The following INSYN2A variants were observed in gnomAD, a reference collection of about 807,000 sequenced individuals.
The protein encoded by INSYN2A is family with sequence similarity 196 member A.
INSYN2A carries 17 observed loss-of-function variants against 39.4 expected under a neutral mutation model. That is an observed-to-expected ratio of 0.43 (90% CI 0.30 to 0.65). INSYN2A has a LOEUF of 0.65. Ranked by LOEUF, INSYN2A falls within the 30% of genes least tolerant of loss-of-function variation. The pLI, the probability that INSYN2A is intolerant of heterozygous loss-of-function variation, is 0.14. For missense variants in INSYN2A, 595 were observed against 631.2 expected, an observed-to-expected ratio of 0.94 and a Z score of 0.61; for synonymous variants, 255 against 265.7, an observed-to-expected ratio of 0.96 and a Z score of 0.39.
At chr10:127,195,862 T>A (rs1395220018) in intron 1 of INSYN2A, 135 bp downstream of exon 1, 1 of 152,202 alleles carries the variant, frequency 6.6e-6, no homozygotes, top group East Asian at 2.0e-4. Context: ...AGCCGCCGAG[T>A]TTCCGGCCAA....
intron 5 of INSYN2A, among the ~76,000 whole-genome samples, chr10:127,149,522 G>T (rs2052271205): frequency 6.6e-6 from 1 of 152,202 alleles, no homozygotes. Context: ...GCCCCAGGCA[G>T]CCGGGTCTTG....
chr10:127,194,838 T>G (rs11016714), intron 1 of INSYN2A, among the ~76,000 whole-genome samples: 294 of 152,312 alleles, frequency 1.9e-3, no homozygotes, highest in Non-Finnish European at 3.2e-3. Context: ...TTCCCACTCT[T>G]GCAGTTTCAC....
intron 5 of INSYN2A, 150 bp downstream of exon 5, chr10:127,153,702 G>A (rs189618037): frequency 1.3e-4 from 80 of 638,546 alleles, no homozygotes; most frequent in Admixed American, 5.6e-4. Context: ...GGGGTATTTA[G>A]AGGTAGCTTA....
rs796870030 is a variant in INSYN2A, at chr10:127,141,676, CAA to C, written c.1257-3658_1257-3657del. On this transcript the variant is annotated intron_variant, in intron 5 of 5. Coordinates refer to ENST00000522781, the MANE Select transcript of INSYN2A (RefSeq NM_001039762.3). ...ACAGAGTGAGACTTTGTCTTTAAAA[CAA>C]AAAAAAAAAAAAAGCAAATTCTACC... Among the ~76,000 whole-genome samples, 989 of 139,862 alleles carry C rather than the reference CAA, an allele frequency of 7.1e-3. 4 individuals carry two copies. Among genetic ancestry groups the C allele is most frequent in the Admixed American group, 0.012 (174 of 14,100 alleles). 91.8% of individuals were successfully genotyped at this position (139,862 alleles called of 152,430 possible).
At chr10:127,168,351 A>G (rs1349375059) in intron 4 of INSYN2A, among the ~76,000 whole-genome samples, 1 of 152,260 alleles carries the variant, frequency 6.6e-6, no homozygotes, top group African/African-American at 2.4e-5. Context: ...TTTCCATGCC[A>G]TTCAAATAGG....
At chr10:127,193,913 T>C (rs1274654935) in intron 1 of INSYN2A, among the ~76,000 whole-genome samples, 2 of 152,192 alleles carry the variant, frequency 1.3e-5, no homozygotes, top group African/African-American at 4.8e-5. Context: ...GACATGGAGC[T>C]TCCCAGCTTT....
At chr10:127,188,306 T>G (rs1180066357) in intron 2 of INSYN2A, among the ~76,000 whole-genome samples, 1 of 152,220 alleles carries the variant, frequency 6.6e-6, no homozygotes, top group East Asian at 1.9e-4. Context: ...ACAACATCCA[T>G]TAATTATGGG....
chr10:127,143,116 T>C (rs1165789734), intron 5 of INSYN2A, among the ~76,000 whole-genome samples: 1 of 152,194 alleles, frequency 6.6e-6, no homozygotes, highest in Non-Finnish European at 1.5e-5. Context: ...ACTCAGGCCC[T>C]GCCACAGTTT....
chr10:127,178,622 T>G (rs1488801203), intron 2 of INSYN2A, among the ~76,000 whole-genome samples: 2 of 152,248 alleles, frequency 1.3e-5, no homozygotes, highest in Non-Finnish European at 2.9e-5. Flanking sequence ...GAGGCTTGCG[T>G]AGACAGCAAA....
intron 4 of INSYN2A, among the ~76,000 whole-genome samples, chr10:127,172,091 GTTTTCT>G (rs1468546633): frequency 6.6e-6 from 1 of 152,110 alleles, no homozygotes; most frequent in Non-Finnish European, 1.5e-5. Flanking sequence ...GCATTTTCCT[GTTTTCT>G]TTTTTTGTTT....
intron 2 of INSYN2A, among the ~76,000 whole-genome samples, chr10:127,183,722 A>G (rs1392722430): frequency 6.6e-6 from 1 of 152,232 alleles, no homozygotes; most frequent in Non-Finnish European, 1.5e-5. Context: ...TTTAGCATTC[A>G]TAACACAAAA....
At chr10:127,184,914 T>C (rs2056086558) in intron 2 of INSYN2A, among the ~76,000 whole-genome samples, 1 of 152,200 alleles carries the variant, frequency 6.6e-6, no homozygotes, top group Non-Finnish European at 1.5e-5. Flanking sequence ...CTAGGCACCA[T>C]ACTGGATGCT....
Position 127,185,851 on chromosome 10 carries a change from A to G in INSYN2A, c.-269+6754T>C, listed in dbSNP as rs370610727. Among the ~76,000 whole-genome samples the G allele has an allele frequency of 4.6e-5, 7 of 152,366 alleles. 1 individual carries two copies. Among genetic ancestry groups the G allele is most frequent in the East Asian group, 1.9e-4 (1 of 5,186 alleles). ...ACTCACAAAAATGAGTAGATGGCACAGAAATGGTACAGGTTCTATATTTAA... is the reference window on the plus strand; with the variant it reads ...ACTCACAAAAATGAGTAGATGGCACGGAAATGGTACAGGTTCTATATTTAA... On this transcript the variant is annotated intron_variant, in intron 2 of 5. Coordinates refer to ENST00000522781, the MANE Select transcript of INSYN2A (RefSeq NM_001039762.3).
chr10:127,195,490 C>G (rs1053217543), intron 1 of INSYN2A, among the ~76,000 whole-genome samples: 1 of 152,150 alleles, frequency 6.6e-6, no homozygotes, highest in Non-Finnish European at 1.5e-5. Context: ...CTCTCCTCAA[C>G]GGCCGGCGTC....
At chr10:127,195,530 C>CT (rs936117967) in intron 1 of INSYN2A, among the ~76,000 whole-genome samples, 7 of 152,158 alleles carry the variant, frequency 4.6e-5, no homozygotes, top group Non-Finnish European at 5.9e-5. Flanking sequence ...TCATCCCCCC[C>CT]CCGAAGTTAA....
At position 127,176,526 on chromosome 10, in the gene INSYN2A, G is replaced by A. The variant is rs2055178884; in HGVS notation, c.-5-126C>T. ...TAATTATATTTAAGCAGGTGAGGTC[G>A]GCCTTTATGTTAAGGAAAATCACAC... On this transcript the variant is annotated intron_variant, in intron 3 of 5. Coordinates refer to ENST00000522781, the MANE Select transcript of INSYN2A (RefSeq NM_001039762.3). This position sits in a 1 kb window ranked among gnomAD's most constrained non-coding sequence, Gnocchi z 4.4. The A allele has an allele frequency of 6.5e-6, 5 of 766,768 alleles. No individual in the cohort carries two copies. Among genetic ancestry groups the A allele is most frequent in the Non-Finnish European group, 1.0e-5 (5 of 485,200 alleles). 47.5% of individuals were successfully genotyped at this position (766,768 alleles called of 1,614,324 possible).
At chr10:127,188,387 T>TA (rs1432053891) in intron 2 of INSYN2A, among the ~76,000 whole-genome samples, 2 of 152,204 alleles carry the variant, frequency 1.3e-5, no homozygotes, top group African/African-American at 2.4e-5. Flanking sequence ...CACTTTTTTT[T>TA]ATGTATATAT....
intron 5 of INSYN2A, among the ~76,000 whole-genome samples, chr10:127,149,164 T>C (rs1169711223): frequency 6.6e-6 from 1 of 152,164 alleles, no homozygotes; most frequent in Non-Finnish European, 1.5e-5. Flanking sequence ...TGCATAATTG[T>C]AAAAAGCAGC....
intron 2 of INSYN2A, among the ~76,000 whole-genome samples, chr10:127,191,944 C>A (rs1372077561): frequency 6.6e-6 from 1 of 152,228 alleles, no homozygotes; most frequent in Non-Finnish European, 1.5e-5. Context: ...CCATGTCTCT[C>A]ATATGTTGTA....
Sources: gnomAD v4.1 joint callset for allele counts (sites outside exome capture counted in the v4.1 genomes callset) on GRCh38, gnomAD v4.1.1 for gene constraint, Gnocchi (gnomAD v3.1) non-coding constraint, MANE v1.5 for transcripts, NCBI Gene and HGNC (gene_info 2026-07-23, HGNC 2026-07-21) for gene names.